RIPOR2: variants seen among roughly 807,000 people sequenced by gnomAD.
RIPOR2 encodes the protein rho family-interacting cell polarization regulator 2.
In RIPOR2, 39 loss-of-function variants were observed where a neutral mutation model predicts 114.5. That is an observed-to-expected ratio of 0.34 (90% CI 0.26 to 0.44). The LOEUF is 0.44. Among genes scored for constraint, RIPOR2 ranks in the 20% least tolerant of loss-of-function variants. The probability of loss-of-function intolerance (pLI) is 1.00; values close to 1 mark genes in which losing one functional copy is unlikely to be tolerated. For synonymous variants in RIPOR2, 445 were observed against 484.4 expected, an observed-to-expected ratio of 0.92 and a Z score of 1.07; for missense variants, 1,007 against 1,255.1, an observed-to-expected ratio of 0.80 and a Z score of 2.99.
chr6:24,913,159 G>GTA lies in RIPOR2; in HGVS notation c.61+22678_61+22679insTA, dbSNP rs1259601160. Among the ~76,000 whole-genome samples the GTA allele has an allele frequency of 2.7e-3, 412 of 151,068 alleles. 2 individuals are homozygous for GTA. Among genetic ancestry groups the GTA allele is most frequent in the Middle Eastern group, 6.8e-3 (2 of 294 alleles). ...CTGTGGGCATGACTTGAGTGTGTGT[G>GTA]TGTGTGTGTGTGTGTGTGTATGTGC... On this transcript the variant is annotated intron_variant, in intron 1 of 21. Coordinates refer to ENST00000643898, the MANE Select transcript of RIPOR2 (RefSeq NM_001286445.3).
At chr6:24,967,493 G>T (rs1235798330) in intron 1 of RIPOR2, among the ~76,000 whole-genome samples, 1 of 152,138 alleles carries the variant, frequency 6.6e-6, no homozygotes, top group Non-Finnish European at 1.5e-5. Flanking sequence ...GCTGGCAAGG[G>T]TGATCAAGAT....
At chr6:25,031,579 ATATG>A (rs1776936714) in intron 1 of RIPOR2, among the ~76,000 whole-genome samples, 2 of 149,734 alleles carry the variant, frequency 1.3e-5, no homozygotes, top group South Asian at 4.2e-4. Context: ...ATATACATAT[ATATG>A]AGTGTTTAGA....
chr6:25,029,828 C>A (rs542221840), intron 1 of RIPOR2, among the ~76,000 whole-genome samples: 1 of 152,166 alleles, frequency 6.6e-6, no homozygotes, highest in African/African-American at 2.4e-5. Flanking sequence ...CAGTTAAAAG[C>A]TGGGTTAAAA....
intron 1 of RIPOR2, among the ~76,000 whole-genome samples, chr6:24,921,352 C>A (rs117592520): frequency 6.6e-6 from 1 of 150,634 alleles, no homozygotes; most frequent in African/African-American, 2.5e-5. Flanking sequence ...TTAGTAGAGA[C>A]GCTGTTTCAC....
intron 1 of RIPOR2, among the ~76,000 whole-genome samples, chr6:24,878,167 T>C (rs908957314): frequency 6.6e-6 from 1 of 152,220 alleles, no homozygotes; most frequent in Non-Finnish European, 1.5e-5. Flanking sequence ...TACTGATTCT[T>C]TGAAGAGAAA....
chr6:24,968,903 C>T (rs1340645406), intron 1 of RIPOR2, among the ~76,000 whole-genome samples: 1 of 152,180 alleles, frequency 6.6e-6, no homozygotes, highest in Non-Finnish European at 1.5e-5. Context: ...GTTGCCTGAC[C>T]TATACTGAAC....
intron 1 of RIPOR2, among the ~76,000 whole-genome samples, chr6:25,032,022 A>C (rs1157519159): frequency 6.6e-6 from 1 of 151,486 alleles, no homozygotes; most frequent in Non-Finnish European, 1.5e-5. Context: ...CTCTCTGATG[A>C]GTTCAAGAGT....
At chr6:24,998,206 G>GAGA (rs1775133629) in intron 1 of RIPOR2, among the ~76,000 whole-genome samples, 1 of 151,966 alleles carries the variant, frequency 6.6e-6, no homozygotes, top group Non-Finnish European at 1.5e-5. Context: ...ATAGAAAACG[G>GAGA]TCTCCTCTGC....
chr6:24,960,062 C>T (rs1026074644), intron 1 of RIPOR2, among the ~76,000 whole-genome samples: 3 of 152,178 alleles, frequency 2.0e-5, no homozygotes, highest in Non-Finnish European at 4.4e-5. Flanking sequence ...TCCCTCTAGG[C>T]ATTCTTGGAC....
At chr6:24,949,537 G>A (rs1772637928) in intron 1 of RIPOR2, among the ~76,000 whole-genome samples, 1 of 152,196 alleles carries the variant, frequency 6.6e-6, no homozygotes, top group South Asian at 2.1e-4. Flanking sequence ...AGGTAGGTTG[G>A]GCCAGCTTTC....
chr6:25,019,774 C>CAAAAAAAAAAAAAAAAAAAAAAAAAAAA (rs34107737), intron 1 of RIPOR2, among the ~76,000 whole-genome samples: 3 of 53,118 alleles, frequency 5.6e-5, no homozygotes, highest in African/African-American at 1.8e-4. Context: ...GACTCTGTCT[C>CAAAAAAAAAAAAAAAAAAAAAAAAAAAA]AAAAAAAAAA....
At chr6:24,974,045 A>G (rs927234003) in intron 1 of RIPOR2, among the ~76,000 whole-genome samples, 11 of 152,194 alleles carry the variant, frequency 7.2e-5, no homozygotes, top group Non-Finnish European at 1.6e-4. Flanking sequence ...AAAACTCAGC[A>G]TTACACAATA....
chr6:25,041,685 G>A (rs1384258038), intron 1 of RIPOR2, among the ~76,000 whole-genome samples: 1 of 151,966 alleles, frequency 6.6e-6, no homozygotes, highest in African/African-American at 2.4e-5. Flanking sequence ...AGAGAGAGTC[G>A]GTAAAAAAAT....
chr6:25,024,210 G>A, intron 1 of RIPOR2: 1 of 1,488,248 alleles, frequency 6.7e-7, no homozygotes, highest in South Asian at 1.1e-5. Context: ...GGCGAGAAAG[G>A]TGCCCAGGAG....
chr6:24,966,816 T>G (rs981365901), intron 1 of RIPOR2, among the ~76,000 whole-genome samples: 4 of 152,198 alleles, frequency 2.6e-5, no homozygotes, highest in Admixed American at 6.5e-5. Flanking sequence ...GCAAAGAATT[T>G]GTATCTAATT....
chr6:24,876,582 G>A (rs1410534873), intron 1 of RIPOR2, among the ~76,000 whole-genome samples: 1 of 152,152 alleles, frequency 6.6e-6, no homozygotes, highest in Non-Finnish European at 1.5e-5. Context: ...CTTTAGAGAT[G>A]AACTTACTTG....
At chr6:25,036,647 C>T (rs1440548538) in intron 1 of RIPOR2, among the ~76,000 whole-genome samples, 1 of 152,198 alleles carries the variant, frequency 6.6e-6, no homozygotes, top group Non-Finnish European at 1.5e-5. Flanking sequence ...CCCACCTCAG[C>T]CTCCCAAAGC....
chr6:24,970,896 T>TA (rs1014966372), intron 1 of RIPOR2, among the ~76,000 whole-genome samples: 87 of 10,778 alleles, frequency 8.1e-3, no homozygotes, highest in Middle Eastern at 0.062. Flanking sequence ...ATTGCACAAA[T>TA]TTTTTTAACA....
chr6:24,940,929 C>T (rs759188842), upstream of RIPOR2, among the ~76,000 whole-genome samples: 3 of 152,212 alleles, frequency 2.0e-5, no homozygotes, highest in African/African-American at 7.2e-5. Flanking sequence ...GCTGGGATTA[C>T]AGGCGTGAGC....
Sources: gnomAD v4.1 joint callset for allele counts (sites outside exome capture counted in the v4.1 genomes callset) on GRCh38, gnomAD v4.1.1 for gene constraint, MANE v1.5 for transcripts, NCBI Gene and HGNC (gene_info 2026-07-23, HGNC 2026-07-21) for gene names.